The following GDPD4 variants were observed in gnomAD, a reference collection of about 807,000 sequenced individuals.
GDPD4 encodes the protein glycerophosphodiester phosphodiesterase domain containing 4, also known as glycerophosphodiester phosphodiesterase 6.
Under a neutral mutation model 67.8 loss-of-function variants are expected in GDPD4, and 60 were observed. That is an observed-to-expected ratio of 0.88 (90% CI 0.72 to 1.10). GDPD4 has a LOEUF of 1.10. Among genes scored for constraint, GDPD4 ranks in the 50% least tolerant of loss-of-function variants. The pLI is 0.00. For missense variants in GDPD4, 623 were observed against 613.9 expected (o/e 1.01, Z -0.16); for synonymous variants, 212 against 210.9 (o/e 1.00, Z -0.04).
intron 11 of GDPD4, among the ~76,000 whole-genome samples, chr11:77,257,268 G>C (rs1433800531): frequency 6.6e-6 from 1 of 152,024 alleles, no homozygotes; most frequent in Non-Finnish European, 1.5e-5. Context: ...TCAGAACCTA[G>C]GTCACATGAA....
intron 4 of GDPD4, 31 bp from the exon 5 acceptor site, chr11:77,276,251 T>G (rs759277235): frequency 6.3e-7 from 1 of 1,589,780 alleles, no homozygotes; most frequent in East Asian, 2.2e-5. Context: ...AAGAGAGTTA[T>G]TTTGAAATCA....
chr11:77,288,277 C>T (rs1345187372), intron 1 of GDPD4, among the ~76,000 whole-genome samples: 1 of 152,140 alleles, frequency 6.6e-6, no homozygotes, highest in Non-Finnish European at 1.5e-5. Flanking sequence ...GGCTCCAGGT[C>T]CCACCCACCT....
At chr11:77,282,224 G>A (rs1959787328) in intron 3 of GDPD4, among the ~76,000 whole-genome samples, 1 of 152,122 alleles carries the variant, frequency 6.6e-6, no homozygotes, top group Non-Finnish European at 1.5e-5. Flanking sequence ...ATTACATGTT[G>A]TAATTTCCAG....
Position 77,245,398 on chromosome 11 carries a change from C to T in GDPD4, c.969G>A (p.Lys323=). The change falls in exon 12 of 17, where the codon AAG becomes AAA. Residue 323 remains lysine, a synonymous_variant. Transcript: ENST00000315938. ...GATCAAATATCACAAATTTTCTTTC[C>T]TTCTCTGCAAGTGTCAATAAATCAG... ...TLADLLTLAE[K]ERKFVIFDLH... 3.1e-6 allele frequency: 5 copies of T among 1,614,152 alleles called. No homozygotes were observed. The highest frequency in any genetic ancestry group is 4.2e-6 in the Non-Finnish European group (5 of 1,180,000).
intron 16 of GDPD4, among the ~76,000 whole-genome samples, chr11:77,225,379 G>C (rs1339161374): frequency 6.8e-6 from 1 of 147,840 alleles, no homozygotes; most frequent in Non-Finnish European, 1.5e-5. Context: ...CCAGAAAGCA[G>C]TGGTGGAGCA....
At chr11:77,217,362 C>G (rs377488829) in intron 16 of GDPD4, 48 bp from the exon 17 acceptor site, 80 of 1,402,264 alleles carry the variant, frequency 5.7e-5, no homozygotes, top group Admixed American at 8.4e-5. Context: ...CTTCTCCACT[C>G]TCTGTCAGTC....
chr11:77,271,168 C>T lies in GDPD4; in HGVS notation c.362G>A (p.Trp121Ter). ...ACATGCCACGTAGAAGGCCACAGGC[C>T]AGAAAAGGATAACCATCACAGTTAT... is the stretch of plus-strand genomic sequence containing the variant. ...VSITVMVILF[W>*]PVAFYVACLE... The change falls in exon 7 of 17, where the codon TGG becomes TAG. Residue 121 changes from tryptophan (W) to a stop codon, truncating the protein, a stop_gained. Coordinates refer to ENST00000315938, the MANE Select transcript of GDPD4 (RefSeq NM_182833.3). LOFTEE classifies it high-confidence loss of function. The T allele has an allele frequency of 6.2e-7, 1 of 1,612,892 alleles. No individual in the cohort carries two copies. The highest frequency in any genetic ancestry group is 2.2e-5 in the East Asian group (1 of 44,874).
At chr11:77,222,746 T>C (rs1222493658) in intron 16 of GDPD4, among the ~76,000 whole-genome samples, 1 of 152,126 alleles carries the variant, frequency 6.6e-6, no homozygotes, top group African/African-American at 2.4e-5. Flanking sequence ...TTTGTGGTGG[T>C]CTCTGTATTT....
At position 77,260,745 on chromosome 11, in the gene GDPD4, AGATAT is replaced by A. The variant is rs145199149; in HGVS notation, c.708-2208_708-2204del. Among the ~76,000 whole-genome samples, 1,247 of 152,348 alleles carry A rather than the reference AGATAT, an allele frequency of 8.2e-3. 23 individuals are homozygous for A. Among genetic ancestry groups the A allele is most frequent in the African/African-American group, 0.027 (1,135 of 41,568 alleles). ...TATAAAAAACGGAAATTTAGAGATA[AGATAT>A]AATAACTGAAATGAAAATTTCATTG... is the stretch of plus-strand genomic sequence containing the variant. On this transcript the variant is annotated intron_variant, in intron 10 of 16. Coordinates refer to ENST00000315938, the MANE Select transcript of GDPD4 (RefSeq NM_182833.3).
chr11:77,233,188 A>G lies in GDPD4; in HGVS notation c.1242-16T>C. 10 of 1,610,812 alleles carry G rather than the reference A, an allele frequency of 6.2e-6. No homozygotes were observed. The highest frequency in any genetic ancestry group is 8.5e-6 in the Non-Finnish European group (10 of 1,177,318). On this transcript the variant is annotated splice_polypyrimidine_tract_variant and intron_variant, in intron 13 of 16. Coordinates refer to ENST00000315938, the MANE Select transcript of GDPD4 (RefSeq NM_182833.3). ...TTTATAATCTCTGGAACAAAAACAGAACCCACAGGGGATTTAGATCAAGTT... is the reference window on the plus strand; with the variant it reads ...TTTATAATCTCTGGAACAAAAACAGGACCCACAGGGGATTTAGATCAAGTT...
At chr11:77,225,858 G>T (rs1177712558) in intron 16 of GDPD4, among the ~76,000 whole-genome samples, 1 of 152,132 alleles carries the variant, frequency 6.6e-6, no homozygotes, top group African/African-American at 2.4e-5. Flanking sequence ...ATGGATCTGG[G>T]CTGTGGTTAT....
At chr11:77,242,352 G>T (rs1958684471) in intron 13 of GDPD4, among the ~76,000 whole-genome samples, 1 of 152,120 alleles carries the variant, frequency 6.6e-6, no homozygotes, top group South Asian at 2.1e-4. Context: ...AAACTTTGTA[G>T]TATCACAAAT....
chr11:77,249,279 A>C (rs991242680), intron 11 of GDPD4, among the ~76,000 whole-genome samples: 1 of 151,804 alleles, frequency 6.6e-6, no homozygotes, highest in Non-Finnish European at 1.5e-5. Context: ...AAAAAAAAAA[A>C]AAAAATTAGC....
chr11:77,259,685 T>C (rs1254018977), intron 10 of GDPD4, among the ~76,000 whole-genome samples: 4 of 151,396 alleles, frequency 2.6e-5, no homozygotes, highest in African/African-American at 9.7e-5. Flanking sequence ...CTTGCTGAAA[T>C]GAGAAGAAAG....
At chr11:77,300,698 A>G (rs946784024) in intron 1 of GDPD4, among the ~76,000 whole-genome samples, 2 of 152,242 alleles carry the variant, frequency 1.3e-5, no homozygotes, top group African/African-American at 4.8e-5. Context: ...GGTTTTAATA[A>G]ACCTTGACAT....
chr11:77,223,452 T>G (rs1378475833), intron 16 of GDPD4, among the ~76,000 whole-genome samples: 1 of 152,216 alleles, frequency 6.6e-6, no homozygotes, highest in Non-Finnish European at 1.5e-5. Context: ...GTCCCTCAGC[T>G]GCAGGTCTAT....
chr11:77,230,628 C>T (rs965435526), intron 14 of GDPD4, among the ~76,000 whole-genome samples: 5 of 152,182 alleles, frequency 3.3e-5, no homozygotes, highest in African/African-American at 1.2e-4. Flanking sequence ...AGAACTCGAT[C>T]AGCAGAAATA....
At position 77,281,045 on chromosome 11, in the gene GDPD4, C is replaced by A. The variant is rs571618639; in HGVS notation, c.54-1646G>T. 2.6e-5 allele frequency among the ~76,000 whole-genome samples: 4 copies of A among 152,306 alleles called. No homozygotes were observed. The South Asian group carries it at 6.2e-4, about 24-fold the overall frequency. On this transcript the variant is annotated intron_variant, in intron 3 of 16. Transcript: ENST00000315938. The stretch of plus-strand genomic sequence containing the variant: ...TTAGTATTTTTAAGCAGTTTTCTCT[C>A]CGCTCTGGACCATTGTGTTACATCC...
intron 1 of GDPD4, among the ~76,000 whole-genome samples, chr11:77,298,718 G>C (rs1272579428): frequency 6.6e-6 from 1 of 152,054 alleles, no homozygotes; most frequent in Non-Finnish European, 1.5e-5. Flanking sequence ...GGAAGAAAAA[G>C]ATCTAGCTAT....
Sources: allele counts gnomAD v4.1 joint callset (sites outside exome capture counted in the v4.1 genomes callset), GRCh38; gene constraint gnomAD v4.1.1; transcripts MANE v1.5; gene names NCBI Gene and HGNC (gene_info 2026-07-23, HGNC 2026-07-21).